RBM20: variants seen among roughly 807,000 people sequenced by gnomAD.
RBM20 encodes the protein RNA-binding protein 20.
In RBM20, 51 loss-of-function variants were observed where a neutral mutation model predicts 110.1. The ratio of observed to expected loss-of-function variants is 0.46; its 90% CI spans 0.37 to 0.59. RBM20 has a LOEUF of 0.59. RBM20 is among the 20% of genes least tolerant of loss of function. The pLI is 0.00. For missense variants in RBM20, 1,512 were observed against 1,574.9 expected (o/e 0.96, Z 0.68); for synonymous variants, 589 against 618.2 (o/e 0.95, Z 0.70).
rs1057524087 is a variant in RBM20 at position 110,835,971 on chromosome 10, A to G, written c.3677A>G (p.Lys1226Arg). The change falls in exon 14 of 14, where the codon AAG (lysine) becomes AGG (arginine). Residue 1226 changes from lysine to arginine, a missense_variant. Around this residue, in one of 3 missense-constraint regions of RBM20, gnomAD observed 358 missense variants for 384.2 expected, o/e 0.93. Coordinates refer to ENST00000369519, the MANE Select transcript of RBM20 (RefSeq NM_001134363.3). ...ATCGTGCCACGCTTCGAAAGGAAAA[A>G]GCTCTGATGCTTCTGCTTCTGCTGC... ...SGIVPRFERK[K>R]L The G allele has an allele frequency of 2.8e-5, 33 of 1,166,470 alleles. No homozygotes were observed. The highest frequency in any genetic ancestry group is 4.3e-5 in the Admixed American group (2 of 46,952). The allele number at this position is 1,166,470 out of a possible 1,614,324, so 72.3% of individuals were successfully genotyped here. A position where few individuals can be genotyped will look rare whatever the true frequency, so the allele number is the denominator to read the frequency against.
At chr10:110,833,376 GA>G (rs894644657) in intron 13 of RBM20, among the ~76,000 whole-genome samples, 11 of 44,466 alleles carry the variant, frequency 2.5e-4, no homozygotes, top group African/African-American at 8.2e-4. Context: ...GTGACGGAGC[GA>G]AACTCTGTCT....
At chr10:110,714,988 C>T (rs113304443) in intron 1 of RBM20, among the ~76,000 whole-genome samples, 4,805 of 152,242 alleles carry the variant, frequency 0.032, 178 homozygotes, top group Admixed American at 0.083. Flanking sequence ...TGGTTCAAGC[C>T]TGTAATCCCA....
At chr10:110,701,645 A>G (rs567755694) in intron 1 of RBM20, among the ~76,000 whole-genome samples, 109 of 152,342 alleles carry the variant, frequency 7.2e-4, no homozygotes, top group South Asian at 2.5e-3. Flanking sequence ...GCTCCACACC[A>G]TCCAGTGGGA....
chr10:110,781,127 C>A lies in RBM20; in HGVS notation c.518C>A (p.Pro173His). The change falls in exon 2 of 14, where the codon CCC (proline) becomes CAC (histidine). Residue 173 changes from proline (P) to histidine (H), a missense_variant. Transcript: ENST00000369519. ...RFPSNAIAFS[P>H]PSQTRGPGPS... ...CCCTCTAATGCAATTGCCTTTTCAC[C>A]CCCCAGCCAGACACGAGGCCCCGGA... is the stretch of plus-strand genomic sequence containing the variant. 1.3e-6 allele frequency: 2 copies of A among 1,551,754 alleles called. No individual in the cohort carries two copies. Among genetic ancestry groups the A allele is most frequent in the Non-Finnish European group, 1.7e-6 (2 of 1,147,002 alleles).
chr10:110,733,604 C>A (rs1433487682), intron 1 of RBM20, among the ~76,000 whole-genome samples: 1 of 152,236 alleles, frequency 6.6e-6, no homozygotes, highest in Non-Finnish European at 1.5e-5. Context: ...GGGGTGCATT[C>A]TCTTTCATAA....
intron 1 of RBM20, among the ~76,000 whole-genome samples, chr10:110,721,610 C>T (rs1357078538): frequency 6.6e-6 from 1 of 152,178 alleles, no homozygotes; most frequent in Non-Finnish European, 1.5e-5. Flanking sequence ...AATCAGCACG[C>T]TCTTCTGCAG....
At chr10:110,693,638 C>G (rs1014564885) in intron 1 of RBM20, among the ~76,000 whole-genome samples, 2 of 152,052 alleles carry the variant, frequency 1.3e-5, no homozygotes, top group African/African-American at 4.8e-5. Context: ...TATTTCTTTC[C>G]AAGGTAAAGT....
At chr10:110,755,239 A>G (rs1226906892) in intron 1 of RBM20, among the ~76,000 whole-genome samples, 1 of 152,136 alleles carries the variant, frequency 6.6e-6, no homozygotes, top group Non-Finnish European at 1.5e-5. Context: ...CTGTAGGTAT[A>G]TGTCTCCTGT....
intron 5 of RBM20, among the ~76,000 whole-genome samples, chr10:110,785,665 A>G (rs1479668578): frequency 6.6e-6 from 1 of 152,106 alleles, no homozygotes; most frequent in Non-Finnish European, 1.5e-5. Flanking sequence ...GCTTTGTGTC[A>G]TTCAGAAAAA....
chr10:110,696,282 C>A (rs1862662407), intron 1 of RBM20, among the ~76,000 whole-genome samples: 1 of 152,198 alleles, frequency 6.6e-6, no homozygotes, highest in South Asian at 2.1e-4. Context: ...CAACCCTACT[C>A]CCCCAGGACT....
At chr10:110,770,230 C>A (rs559222270) in intron 1 of RBM20, among the ~76,000 whole-genome samples, 1 of 152,050 alleles carries the variant, frequency 6.6e-6, no homozygotes, top group Non-Finnish European at 1.5e-5. Flanking sequence ...TTCTCCTCTC[C>A]GGGTGCCCAC....
intron 12 of RBM20, among the ~76,000 whole-genome samples, chr10:110,827,447 G>C (rs1427325350): frequency 6.6e-6 from 1 of 152,048 alleles, no homozygotes; most frequent in African/African-American, 2.4e-5. Context: ...AGATCACTCT[G>C]TTCTCCAGGT....
intron 1 of RBM20, among the ~76,000 whole-genome samples, chr10:110,650,612 G>C (rs1590594876): frequency 8.2e-6 from 1 of 121,468 alleles, no homozygotes. Flanking sequence ...AGGGCCACTT[G>C]CTTCTGCCTT....
Position 110,812,613 on chromosome 10 carries a change from G to A in RBM20, c.2216G>A (p.Arg739Lys). The A allele has an allele frequency of 3.2e-6, 5 of 1,551,694 alleles. No individual in the cohort carries two copies. Among genetic ancestry groups the A allele is most frequent in the Non-Finnish European group, 4.4e-6 (5 of 1,147,004 alleles). ...GGRPHREKYP[R>K]SGSPNLPHSV... The stretch of plus-strand genomic sequence containing the variant: ...AGGCCCCACCGGGAGAAGTACCCGA[G>A]ATCTGGGTCTCCCAACCTGCCCCAC... Residue 739 changes from arginine (R) to lysine (K), a missense_variant, in exon 9 of 14, where the codon AGA becomes AAA. Around this residue, in one of 3 missense-constraint regions of RBM20, gnomAD observed 1,149 missense variants for 1,169.4 expected, o/e 0.98. Transcript: ENST00000369519.
chr10:110,651,314 A>G (rs1861946677), intron 1 of RBM20, among the ~76,000 whole-genome samples: 1 of 152,208 alleles, frequency 6.6e-6, no homozygotes, highest in African/African-American at 2.4e-5. Context: ...AAGAGAATGA[A>G]ATACTTTCTC....
At chr10:110,757,451 G>C (rs1460037842) in intron 1 of RBM20, among the ~76,000 whole-genome samples, 2 of 152,184 alleles carry the variant, frequency 1.3e-5, no homozygotes, top group Non-Finnish European at 1.5e-5. Context: ...TTGGAGTAGA[G>C]TGGGTCTTTC....
At chr10:110,723,640 C>T (rs1349653366) in intron 1 of RBM20, among the ~76,000 whole-genome samples, 2 of 152,204 alleles carry the variant, frequency 1.3e-5, no homozygotes, top group African/African-American at 2.4e-5. Context: ...AGGGGAAACT[C>T]ATTGTGGTTT....
In RBM20 at chr10:110,702,916, C is replaced by A. The variant is rs574883456; in HGVS notation, c.191+58271C>A. Among the ~76,000 whole-genome samples, 4 of 151,450 alleles carry A rather than the reference C, an allele frequency of 2.6e-5. No homozygotes were observed. In the East Asian group the frequency reaches 7.7e-4, roughly 29 times the overall value. ...TTTAAGTACTTAAAATGGTATCTGGCAATTAGTGAGCACCATGTAAGTGTT... is the reference window on the plus strand; with the variant it reads ...TTTAAGTACTTAAAATGGTATCTGGAAATTAGTGAGCACCATGTAAGTGTT... On this transcript the variant is annotated intron_variant, in intron 1 of 13. Transcript: ENST00000369519.
chr10:110,774,502 T>A (rs1844235480), intron 1 of RBM20, among the ~76,000 whole-genome samples: 1 of 151,942 alleles, frequency 6.6e-6, no homozygotes. Flanking sequence ...AGAATTCATC[T>A]GGTATATGTT....
Sources: allele counts gnomAD v4.1 joint callset (sites outside exome capture counted in the v4.1 genomes callset), GRCh38; gene constraint gnomAD v4.1.1; regional missense constraint gnomAD v4.1.1; transcripts MANE v1.5; gene names NCBI Gene and HGNC (gene_info 2026-07-23, HGNC 2026-07-21).